NOP14: variants seen among roughly 807,000 people sequenced by gnomAD.
NOP14 encodes the protein nucleolar protein 14.
NOP14 carries 57 observed loss-of-function variants against 101.6 expected under a neutral mutation model. The ratio of observed to expected loss-of-function variants is 0.56; its 90% CI spans 0.45 to 0.70. The LOEUF (loss-of-function observed/expected upper bound fraction) is 0.70. Among genes scored for constraint, NOP14 ranks in the 30% least tolerant of loss-of-function variants. The pLI is 0.00. For synonymous variants in NOP14, 428 were observed against 424.0 expected (o/e 1.01, Z -0.12); for missense variants, 1,134 against 1,075.5 (o/e 1.05, Z -0.76).
In NOP14 at chr4:2,938,274, T is replaced by C. The variant is rs1713813871; in HGVS notation, c.*557A>G. The C allele has an allele frequency of 1.6e-6, 2 of 1,254,926 alleles. No individual in the cohort carries two copies. Among genetic ancestry groups the C allele is most frequent in the Non-Finnish European group, 2.1e-6 (2 of 957,842 alleles). 77.7% of individuals were successfully genotyped at this position (1,254,926 alleles called of 1,614,324 possible). A position where few individuals can be genotyped will look rare whatever the true frequency, so the allele number is the denominator to read the frequency against. ...GGCTGGGTGCTGTGGCTCACACCTATAATTGGGGGGCCAAGGCAGGTGGAT... is the reference window on the plus strand; with the variant it reads ...GGCTGGGTGCTGTGGCTCACACCTACAATTGGGGGGCCAAGGCAGGTGGAT... On this transcript the variant is annotated 3_prime_UTR_variant, in exon 18 of 18. Transcript: ENST00000416614.
intron 3 of NOP14, among the ~76,000 whole-genome samples, chr4:2,956,239 C>T (rs1382638589): frequency 6.6e-6 from 1 of 152,090 alleles, no homozygotes; most frequent in Non-Finnish European, 1.5e-5. Flanking sequence ...ACATCAATGC[C>T]ACTGGTACAA....
intron 4 of NOP14, among the ~76,000 whole-genome samples, chr4:2,954,208 C>A (rs943542619): frequency 1.3e-5 from 2 of 152,124 alleles, no homozygotes; most frequent in African/African-American, 4.8e-5. Flanking sequence ...CAAAATAAAA[C>A]AAAACATAAA....
In NOP14 at chr4:2,944,227, C is replaced by T; in HGVS notation, c.1738-1G>A. The stretch of plus-strand genomic sequence containing the variant: ...CGTCCTGGAGGGACAGGATGGGGCA[C>T]TGGAAAGGAACATATGGGGGGTTAC... On this transcript the variant is annotated splice_acceptor_variant, in intron 12 of 17. Coordinates refer to ENST00000416614, the MANE Select transcript of NOP14 (RefSeq NM_001291978.2). LOFTEE classifies it high-confidence loss of function. 2 of 1,610,592 alleles carry T rather than the reference C, an allele frequency of 1.2e-6. No individual in the cohort carries two copies. Among genetic ancestry groups the T allele is most frequent in the South Asian group, 2.2e-5 (2 of 90,260 alleles).
chr4:2,960,725 CACATTAATATT>C, intron 1 of NOP14, among the ~76,000 whole-genome samples: 1 of 108,988 alleles, frequency 9.2e-6, no homozygotes, highest in East Asian at 2.3e-4. Flanking sequence ...ATATTATAAT[CACATTAATATT>C]AATATATTAA....
intron 7 of NOP14, 30 bp downstream of exon 7, chr4:2,951,084 A>G (rs1714997256): frequency 6.4e-7 from 1 of 1,561,496 alleles, no homozygotes; most frequent in Non-Finnish European, 8.7e-7. Context: ...AAAAAGAGAG[A>G]GAAAGAGAAA....
At position 2,938,881 on chromosome 4, in the gene NOP14, T is replaced by C. The variant is rs1713900553; in HGVS notation, c.2524A>G (p.Thr842Ala). 1.9e-6 allele frequency: 3 copies of C among 1,614,080 alleles called. No individual in the cohort carries two copies. Among genetic ancestry groups the C allele is most frequent in the African/African-American group, 1.3e-5 (1 of 74,944 alleles). Residue 842 changes from threonine to alanine, a missense_variant, in exon 18 of 18, where the codon ACA becomes GCA. Coordinates refer to ENST00000416614, the MANE Select transcript of NOP14 (RefSeq NM_001291978.2). ...AGAGCCTTCCATTCGCCTTCCTGTG[T>C]AGCCAGGCTGTTAAAAAGCTGCTTT... The part of the protein sequence containing the change: ...KVKQLFNSLA[T>A]QEGEWKALKR...
chr4:2,946,617 C>A, intron 10 of NOP14, 70 bp from the exon 11 acceptor site: 1 of 1,474,078 alleles, frequency 6.8e-7, no homozygotes, highest in East Asian at 2.3e-5. Context: ...CCCTGCAAGC[C>A]ACTTTCCTAT....
chr4:2,951,829 C>T (rs1715044952), intron 6 of NOP14, among the ~76,000 whole-genome samples: 1 of 152,200 alleles, frequency 6.6e-6, no homozygotes, highest in Non-Finnish European at 1.5e-5. Flanking sequence ...TAGCTGGGGC[C>T]AGGCGCGGTG....
At chr4:2,958,401 C>T (rs377102301) in intron 1 of NOP14, among the ~76,000 whole-genome samples, 1 of 152,200 alleles carries the variant, frequency 6.6e-6, no homozygotes, top group Non-Finnish European at 1.5e-5. Context: ...GGGTGAGGAA[C>T]GAGTGGCCTC....
At chr4:2,961,368 A>G (rs1715889604) in intron 1 of NOP14, 1 of 79,548 alleles carries the variant, frequency 1.3e-5, no homozygotes, top group Non-Finnish European at 3.0e-5. Flanking sequence ...AAGGAAACTG[A>G]GGCACAGCTA....
At chr4:2,962,556 G>A (rs1716118297) in intron 1 of NOP14, among the ~76,000 whole-genome samples, 1 of 152,012 alleles carries the variant, frequency 6.6e-6, no homozygotes, top group Admixed American at 6.6e-5. Flanking sequence ...AAATGTGAAT[G>A]CATGCCCAGC....
chr4:2,940,049 G>A (rs1417328100), intron 15 of NOP14, among the ~76,000 whole-genome samples: 1 of 152,268 alleles, frequency 6.6e-6, no homozygotes, highest in Admixed American at 6.5e-5. Flanking sequence ...AAGGCTCACA[G>A]GAGAACCCCT....
chr4:2,956,832 T>G, intron 2 of NOP14, 21 bp from the exon 3 acceptor site: 1 of 1,566,256 alleles, frequency 6.4e-7, no homozygotes, highest in Non-Finnish European at 8.6e-7. Context: ...AGAAAAAAAG[T>G]TTCCTAAAAT....
chr4:2,961,184 T>C (rs1165593954), intron 1 of NOP14, among the ~76,000 whole-genome samples: 5 of 66,398 alleles, frequency 7.5e-5, no homozygotes, highest in Non-Finnish European at 1.7e-4. Flanking sequence ...CAATAATATA[T>C]TAATATGCTA....
Position 2,952,321 on chromosome 4 carries a change from T to G in NOP14, c.824A>C (p.Glu275Ala). The G allele has an allele frequency of 6.2e-7, 1 of 1,613,872 alleles. No homozygotes were observed. Among genetic ancestry groups the G allele is most frequent in the South Asian group, 1.1e-5 (1 of 91,058 alleles). ...KAQPSNRMKT[E>A]AELAKEEQEH... ...CTGCTCTTCCTTTGCCAATTCTGCC[T>G]CCGTCTTCATCCTGTTAGAGGGCTG... is the stretch of plus-strand genomic sequence containing the variant. The change falls in exon 6 of 18, where the codon GAG (glutamate) becomes GCG (alanine). Residue 275 changes from glutamate to alanine, a missense_variant. Coordinates refer to ENST00000416614, the MANE Select transcript of NOP14 (RefSeq NM_001291978.2).
chr4:2,948,228 C>A, intron 9 of NOP14, 50 bp downstream of exon 9: 4 of 1,526,794 alleles, frequency 2.6e-6, no homozygotes, highest in Non-Finnish European at 3.5e-6. Context: ...CATTCATATA[C>A]GGGGCTATGC....
chr4:2,950,122 G>A lies in NOP14; in HGVS notation c.1094C>T (p.Ser365Leu). ...PESNEEEGDS[S>L]GGEDTEESDS... Reference sequence around the variant, plus strand: ...GCTCTCCTCTGTGTCCTCCCCGCCTGAACTGTCACCTTCTTCCTCGTTGCT... The same window carrying A: ...GCTCTCCTCTGTGTCCTCCCCGCCTAAACTGTCACCTTCTTCCTCGTTGCT... Residue 365 changes from serine to leucine, a missense_variant, in exon 8 of 18, where the codon TCA becomes TTA. Transcript: ENST00000416614. 6.2e-7 allele frequency: 1 copy of A among 1,614,174 alleles called. No individual in the cohort carries two copies. Among genetic ancestry groups the A allele is most frequent in the Non-Finnish European group, 8.5e-7 (1 of 1,180,036 alleles).
At chr4:2,962,193 A>T (rs573803588) in intron 1 of NOP14, among the ~76,000 whole-genome samples, 1 of 152,342 alleles carries the variant, frequency 6.6e-6, no homozygotes, top group South Asian at 2.1e-4. Flanking sequence ...GTATACTATC[A>T]TCTCTACTTT....
rs1715211066 is a variant in NOP14 at position 2,954,422 on chromosome 4, A to G, written c.612+2T>C. ...GATGATCAAGAACACTCACTAACCC[A>G]CCTTCTCTTGTTTTGACTTGGCAAT... On this transcript the variant is annotated splice_donor_variant, in intron 4 of 17. Transcript: ENST00000416614. LOFTEE classifies it high-confidence loss of function. 1.2e-6 allele frequency: 2 copies of G among 1,613,766 alleles called. No homozygotes were observed. The highest frequency in any genetic ancestry group is 1.3e-5 in the African/African-American group (1 of 74,858).
Sources: allele counts gnomAD v4.1 joint callset (sites outside exome capture counted in the v4.1 genomes callset), GRCh38; gene constraint gnomAD v4.1.1; transcripts MANE v1.5; gene names NCBI Gene and HGNC (gene_info 2026-07-23, HGNC 2026-07-21).